Variants in TMPRSS4 observed in about 807,000 individuals in gnomAD.
TMPRSS4 encodes the protein transmembrane serine protease 4.
In TMPRSS4, 45 loss-of-function variants were observed where a neutral mutation model predicts 56.4. The observed-to-expected ratio is 0.80, with a 90% CI of 0.63 to 1.02. The LOEUF (loss-of-function observed/expected upper bound fraction) is 1.02. TMPRSS4 is among the 50% of genes least tolerant of loss of function. The probability of loss-of-function intolerance (pLI) is 0.00; values close to 1 mark genes in which losing one functional copy is unlikely to be tolerated. For missense variants in TMPRSS4, 546 were observed against 556.7 expected (o/e 0.98, Z 0.19); for synonymous variants, 205 against 211.0 (o/e 0.97, Z 0.25).
intron 1 of TMPRSS4, among the ~76,000 whole-genome samples, chr11:118,094,328 G>A (rs918973273): frequency 6.6e-6 from 1 of 152,124 alleles, no homozygotes; most frequent in Non-Finnish European, 1.5e-5. Context: ...TTAAATTTTA[G>A]CCATTTAGTA....
intron 1 of TMPRSS4, among the ~76,000 whole-genome samples, 188 bp downstream of exon 1, chr11:118,077,493 C>T (rs1944749397): frequency 6.6e-6 from 1 of 152,236 alleles, no homozygotes; most frequent in Admixed American, 6.5e-5. Context: ...GCCTTCCTCT[C>T]TTCCTCCATT....
chr11:118,099,503 C>A (rs1231051147), intron 3 of TMPRSS4, among the ~76,000 whole-genome samples: 6 of 102,360 alleles, frequency 5.9e-5, no homozygotes, highest in Non-Finnish European at 1.1e-4. Context: ...GAAAGAAAGA[C>A]ATGTATCCAC....
intron 1 of TMPRSS4, among the ~76,000 whole-genome samples, chr11:118,091,834 C>T (rs542722505): frequency 1.4e-3 from 213 of 152,304 alleles, no homozygotes; most frequent in Non-Finnish European, 2.4e-3. Flanking sequence ...TTGACTCTAG[C>T]TGCAACAATG....
intron 2 of TMPRSS4, among the ~76,000 whole-genome samples, chr11:118,095,896 A>G (rs1016336076): frequency 2.0e-5 from 3 of 152,296 alleles, no homozygotes; most frequent in Middle Eastern, 3.4e-3. Flanking sequence ...AGGGAGGAAC[A>G]ACAGCCGGCA....
downstream of TMPRSS4, among the ~76,000 whole-genome samples, chr11:118,124,253 T>C (rs1326196295): frequency 6.6e-6 from 1 of 151,992 alleles, no homozygotes. Context: ...GGTGTGGTGG[T>C]GCGTGCCTGT....
At chr11:118,122,576 C>G (rs984909804), downstream of TMPRSS4, among the ~76,000 whole-genome samples, 1 of 152,182 alleles carries the variant, frequency 6.6e-6, no homozygotes, top group African/African-American at 2.4e-5. Flanking sequence ...TCACACCAGG[C>G]TCTTACTCTG....
At chr11:118,090,610 C>T (rs1391638335) in intron 1 of TMPRSS4, among the ~76,000 whole-genome samples, 1 of 41,492 alleles carries the variant, frequency 2.4e-5, no homozygotes, top group Non-Finnish European at 4.4e-5. Flanking sequence ...TACCTCATCT[C>T]TACGAAAAAA....
chr11:118,117,380 T>A lies in TMPRSS4; in HGVS notation c.1228T>A (p.Cys410Ser). The A allele has an allele frequency of 6.2e-7, 1 of 1,614,126 alleles. No homozygotes were observed. Among genetic ancestry groups the A allele is most frequent in the Non-Finnish European group, 8.5e-7 (1 of 1,179,982 alleles). ...GGGCATCGTTAGTTGGGGCTATGGC[T>A]GCGGGGGCCCGAGCACCCCAGGAGT... ...VVGIVSWGYGCGGPSTPGVYT... is the reference protein window; with the variant it reads ...VVGIVSWGYGSGGPSTPGVYT... The change falls in exon 12 of 13, where the codon TGC becomes AGC. Residue 410 changes from cysteine to serine, a missense_variant. Physicochemically the swap from Cys to Ser is moderately radical, Grantham distance 112. Transcript: ENST00000437212.
At chr11:118,091,536 A>T (rs756880787) in intron 1 of TMPRSS4, among the ~76,000 whole-genome samples, 18 of 151,980 alleles carry the variant, frequency 1.2e-4, no homozygotes, top group Non-Finnish European at 4.4e-5. Flanking sequence ...CTCTCCACCA[A>T]GAAACAAGCT....
intron 10 of TMPRSS4, 28 bp downstream of exon 10, chr11:118,114,955 C>T (rs770444183): frequency 6.3e-7 from 1 of 1,576,618 alleles, no homozygotes; most frequent in East Asian, 2.3e-5. Flanking sequence ...GACCACAGGG[C>T]AGGAGATGCC....
Position 118,077,224 on chromosome 11 carries a change from T to C in TMPRSS4, c.-79T>C. 6.4e-7 allele frequency: 1 copy of C among 1,552,346 alleles called. No homozygotes were observed. Among genetic ancestry groups the C allele is most frequent in the Non-Finnish European group, 8.7e-7 (1 of 1,144,576 alleles). Reference sequence around the variant, plus strand: ...ACCTGCTGGCCAGCCAGGACCTGTGTGGGGAGGCCCTCCTGCTGCCTTGGG... The same window carrying C: ...ACCTGCTGGCCAGCCAGGACCTGTGCGGGGAGGCCCTCCTGCTGCCTTGGG... On this transcript the variant is annotated 5_prime_UTR_variant, in exon 1 of 13. Transcript: ENST00000437212.
intron 1 of TMPRSS4, among the ~76,000 whole-genome samples, chr11:118,091,143 C>G (rs1945920983): frequency 1.3e-5 from 2 of 152,170 alleles, no homozygotes; most frequent in African/African-American, 4.8e-5. Flanking sequence ...CACCCTCTCA[C>G]CCACGTAACT....
chr11:118,114,356 C>A (rs1375551736), intron 9 of TMPRSS4, among the ~76,000 whole-genome samples: 3 of 152,150 alleles, frequency 2.0e-5, no homozygotes, highest in East Asian at 1.9e-4. Flanking sequence ...AAGGGACATA[C>A]CCCACCCCCC....
At chr11:118,098,634 G>T (rs1047232611) in intron 2 of TMPRSS4, among the ~76,000 whole-genome samples, 4 of 152,200 alleles carry the variant, frequency 2.6e-5, no homozygotes, top group Non-Finnish European at 5.9e-5. Flanking sequence ...CACAGTGAAT[G>T]GGTACGTGCC....
intron 4 of TMPRSS4, 57 bp downstream of exon 4, chr11:118,103,310 C>T (rs936185009): frequency 2.2e-5 from 34 of 1,579,688 alleles, no homozygotes; most frequent in Non-Finnish European, 2.8e-5. Context: ...TCTGCTCAGG[C>T]CCCCACGGCC....
At chr11:118,089,034 T>G (rs1656208519) in intron 1 of TMPRSS4, among the ~76,000 whole-genome samples, 1 of 152,158 alleles carries the variant, frequency 6.6e-6, no homozygotes, top group Admixed American at 6.5e-5. Flanking sequence ...CTCCTTTCCT[T>G]AGCTCAGGAT....
rs371896516 is a variant in TMPRSS4, at chr11:118,085,308, C to T, written c.3+8003C>T. Among the ~76,000 whole-genome samples the T allele has an allele frequency of 2.0e-5, 3 of 151,708 alleles. No homozygotes were observed. The South Asian group carries it at 6.3e-4, about 32-fold the overall frequency. Reference sequence around the variant, plus strand: ...GCAGGATCTTGGCTCACTGCAACCTCCGCCTCCCAGGTTCAAGCGATTCTC... The same window carrying T: ...GCAGGATCTTGGCTCACTGCAACCTTCGCCTCCCAGGTTCAAGCGATTCTC... On this transcript the variant is annotated intron_variant, in intron 1 of 12. Transcript: ENST00000437212.
intron 1 of TMPRSS4, chr11:118,086,792 A>C (rs1212227054): frequency 6.5e-6 from 1 of 152,736 alleles, no homozygotes; most frequent in Non-Finnish European, 1.5e-5. Context: ...CCCTGTTGCC[A>C]GCGCAGCAAA....
At chr11:118,112,379 CTTTTTTTTT>C (rs71469160) in intron 8 of TMPRSS4, among the ~76,000 whole-genome samples, 6 of 45,726 alleles carry the variant, frequency 1.3e-4, no homozygotes, top group South Asian at 1.4e-3. Flanking sequence ...ACCCCCTTCA[CTTTTTTTTT>C]TTTTTTTTTT....
Sources: gnomAD v4.1 joint callset for allele counts (sites outside exome capture counted in the v4.1 genomes callset) on GRCh38, gnomAD v4.1.1 for gene constraint, MANE v1.5 for transcripts, NCBI Gene and HGNC (gene_info 2026-07-23, HGNC 2026-07-21) for gene names.